The following DOCK6 variants were observed in gnomAD, a reference collection of about 807,000 sequenced individuals.
DOCK6 encodes the protein dedicator of cytokinesis 6.
In DOCK6, 167 loss-of-function variants were observed where a neutral mutation model predicts 230.3. The ratio of observed to expected loss-of-function variants is 0.73; its 90% CI spans 0.64 to 0.82. The LOEUF (loss-of-function observed/expected upper bound fraction) is 0.82. Ranked by LOEUF, DOCK6 falls within the 40% of genes least tolerant of loss-of-function variation. The pLI is 0.00. For missense variants in DOCK6, 2,598 were observed against 2,825.8 expected (o/e 0.92, Z 1.83); for synonymous variants, 1,148 against 1,185.0 (o/e 0.97, Z 0.64).
chr19:11,226,528 C>A (rs1167227184), intron 24 of DOCK6, among the ~76,000 whole-genome samples: 1 of 151,946 alleles, frequency 6.6e-6, no homozygotes, highest in Non-Finnish European at 1.5e-5. Flanking sequence ...CGTGGTAGTG[C>A]ATGCCTGTAA....
rs2080234822 is a variant in DOCK6, at chr19:11,258,634, T to C, written c.44+3763A>G. Among the ~76,000 whole-genome samples, 4 of 152,122 alleles carry C rather than the reference T, an allele frequency of 2.6e-5. No individual in the cohort carries two copies. The South Asian group carries it at 6.2e-4, about 24-fold the overall frequency. ...TTTTAGTAGAGATGGGGTTTCACCA[T>C]GTTGGCCAAGCTGGCCTCGAACTCC... On this transcript the variant is annotated intron_variant, in intron 1 of 47. Transcript: ENST00000294618.
At chr19:11,262,072 G>A (rs547448236) in intron 1 of DOCK6, among the ~76,000 whole-genome samples, 24 of 152,236 alleles carry the variant, frequency 1.6e-4, no homozygotes, top group Non-Finnish European at 2.6e-4. Context: ...AGCGCAGGGA[G>A]TTCAGGGGGC....
Position 11,200,775 on chromosome 19 carries a change from G to A in DOCK6, c.5880C>T (p.Asp1960=). 6.2e-7 allele frequency: 1 copy of A among 1,613,610 alleles called. No homozygotes were observed. Among genetic ancestry groups the A allele is most frequent in the Non-Finnish European group, 8.5e-7 (1 of 1,179,616 alleles). ...AQVFLAEIPE[D]PKLFRHHNKL... The stretch of plus-strand genomic sequence containing the variant: ...TGTTGTGATGCCGGAAGAGCTTGGG[G>A]TCTTCCGGGATCTCTGCTAAAAACA... The change falls in exon 46 of 48, where the codon GAC becomes GAT. Residue 1960 remains aspartate (D), a synonymous_variant. Transcript: ENST00000294618. The surrounding 1 kb of genome is among the most constrained non-coding windows in gnomAD (Gnocchi z 4.3).
chr19:11,215,249 C>T (rs1006460796), intron 32 of DOCK6, 138 bp downstream of exon 32: 36 of 717,570 alleles, frequency 5.0e-5, no homozygotes, highest in South Asian at 2.5e-4. Flanking sequence ...GGCCCATGCC[C>T]GGCTAATTTT....
intron 6 of DOCK6, among the ~76,000 whole-genome samples, chr19:11,248,646 G>A (rs2080072325): frequency 6.6e-6 from 1 of 152,046 alleles, no homozygotes; most frequent in African/African-American, 2.4e-5. Flanking sequence ...GGTGTAAGGA[G>A]CCATGGTGGC....
chr19:11,259,472 T>G (rs1394003968), intron 1 of DOCK6, among the ~76,000 whole-genome samples: 1 of 151,622 alleles, frequency 6.6e-6, no homozygotes, highest in Non-Finnish European at 1.5e-5. Context: ...TACCTGAAAT[T>G]TCAGTGGTAA....
At chr19:11,257,145 C>A (rs1186773844) in intron 1 of DOCK6, among the ~76,000 whole-genome samples, 15 of 122,372 alleles carry the variant, frequency 1.2e-4, no homozygotes, top group African/African-American at 4.1e-4. Flanking sequence ...CACCACCATG[C>A]TTGGCTAATT....
rs149800172 is a variant in DOCK6 at position 11,205,622 on chromosome 19, C to T, written c.5089-1291G>A. 7.2e-5 allele frequency among the ~76,000 whole-genome samples: 11 copies of T among 152,034 alleles called. No individual in the cohort carries two copies. The East Asian group carries it at 1.7e-3, about 24-fold the overall frequency. ...CCTCTCAAAGTGCCGGGATTACAGGCGTGAGCCACTGCACCCAGCCATATT... is the reference window on the plus strand; with the variant it reads ...CCTCTCAAAGTGCCGGGATTACAGGTGTGAGCCACTGCACCCAGCCATATT... On this transcript the variant is annotated intron_variant, in intron 39 of 47. Transcript: ENST00000294618.
At chr19:11,232,286 T>C in intron 22 of DOCK6, 1 of 1,289,548 alleles carries the variant, frequency 7.8e-7, no homozygotes, top group Non-Finnish European at 1.0e-6. Context: ...GAGCGATCGA[T>C]GCCCTGGAGA....
chr19:11,216,014 T>C, intron 30 of DOCK6, 87 bp from the exon 31 acceptor site: 3 of 1,551,486 alleles, frequency 1.9e-6, no homozygotes, highest in Non-Finnish European at 2.6e-6. Context: ...TTTGTGCTCT[T>C]TCTCACCTCC....
chr19:11,200,663 G>A lies in DOCK6; in HGVS notation c.5939+53C>T. The stretch of plus-strand genomic sequence containing the variant: ...CAGAGATCAGATGGGCAGAGAGCAG[G>A]CCTATGCAGGTTAGGCAGACACGAG... On this transcript the variant is annotated intron_variant, in intron 46 of 47. Coordinates refer to ENST00000294618, the MANE Select transcript of DOCK6 (RefSeq NM_020812.4). The surrounding 1 kb of genome is among the most constrained non-coding windows in gnomAD (Gnocchi z 4.3). 6.5e-7 allele frequency: 1 copy of A among 1,538,482 alleles called. No individual in the cohort carries two copies. The highest frequency in any genetic ancestry group is 8.8e-7 in the Non-Finnish European group (1 of 1,133,700).
chr19:11,224,694 C>T (rs757544026), intron 24 of DOCK6, among the ~76,000 whole-genome samples: 5 of 152,146 alleles, frequency 3.3e-5, no homozygotes, highest in Non-Finnish European at 7.3e-5. Context: ...CCCTGAGGCC[C>T]AGCTGGTATT....
intron 29 of DOCK6, 66 bp from the exon 30 acceptor site, chr19:11,217,162 T>G (rs1465612930): frequency 6.3e-7 from 1 of 1,596,756 alleles, no homozygotes; most frequent in Non-Finnish European, 8.5e-7. Context: ...CTGGCCAATC[T>G]GTATCTTGAT....
In DOCK6 at chr19:11,227,386, G is replaced by A. The variant is rs1568238693; in HGVS notation, c.2906C>T (p.Thr969Ile). 2.5e-6 allele frequency: 4 copies of A among 1,613,888 alleles called. No homozygotes were observed. Among genetic ancestry groups the A allele is most frequent in the Admixed American group, 1.7e-5 (1 of 60,012 alleles). ...CAGGCCCACAGAGCCCACCAAGGCA[G>A]TGATGTCGTCCAGGAAGCGTCCGGG... ...RFPGRFLDDITALVGSVGLEV... is the reference protein window; with the variant it reads ...RFPGRFLDDIIALVGSVGLEV... The change falls in exon 24 of 48, where the codon ACT (threonine) becomes ATT (isoleucine). Residue 969 changes from threonine to isoleucine, a missense_variant. Physicochemically the swap from Thr to Ile is moderately conservative, Grantham distance 89. Transcript: ENST00000294618.
At chr19:11,261,827 C>T (rs1047401986) in intron 1 of DOCK6, among the ~76,000 whole-genome samples, 1 of 148,306 alleles carries the variant, frequency 6.7e-6, no homozygotes, top group Non-Finnish European at 1.5e-5. Flanking sequence ...GGGGGGCGTC[C>T]ACAGCTGTCC....
At chr19:11,227,254 C>A in intron 24 of DOCK6, 83 bp downstream of exon 24, 1 of 1,558,690 alleles carries the variant, frequency 6.4e-7, no homozygotes, top group South Asian at 1.2e-5. Flanking sequence ...CCAGGAGACA[C>A]TGGGCAGGAT....
Position 11,201,801 on chromosome 19 carries a change from G to T in DOCK6, c.5688+88C>A. ...GAGGTCCGTGAACCACCTTGGGTCT[G>T]GGTCCCTGTGTCTACCCTCCCCTCC... On this transcript the variant is annotated intron_variant, in intron 44 of 47. Coordinates refer to ENST00000294618, the MANE Select transcript of DOCK6 (RefSeq NM_020812.4). The surrounding 1 kb of genome is among the most constrained non-coding windows in gnomAD (Gnocchi z 4.3). The T allele has an allele frequency of 7.9e-7, 1 of 1,273,266 alleles. No individual in the cohort carries two copies. Among genetic ancestry groups the T allele is most frequent in the Non-Finnish European group, 1.1e-6 (1 of 924,360 alleles). The allele number at this position is 1,273,266 out of a possible 1,614,324, so 78.9% of individuals were successfully genotyped here.
chr19:11,221,714 C>G, intron 28 of DOCK6, 137 bp downstream of exon 28: 1 of 1,357,524 alleles, frequency 7.4e-7, no homozygotes, highest in Non-Finnish European at 1.0e-6. Flanking sequence ...GTAGTCTGTC[C>G]TAGCACTTTA....
chr19:11,215,092 G>A (rs1452046219), intron 32 of DOCK6, among the ~76,000 whole-genome samples: 8 of 152,030 alleles, frequency 5.3e-5, no homozygotes, highest in Admixed American at 3.3e-4. Context: ...ACAGGCACCT[G>A]CCACCACACC....
Sources: gnomAD v4.1 joint callset for allele counts (sites outside exome capture counted in the v4.1 genomes callset) on GRCh38, gnomAD v4.1.1 for gene constraint, Gnocchi (gnomAD v3.1) non-coding constraint, MANE v1.5 for transcripts, NCBI Gene and HGNC (gene_info 2026-07-23, HGNC 2026-07-21) for gene names.